ASB1: variants seen among roughly 807,000 people sequenced by gnomAD.
ASB1 encodes ankyrin repeat and SOCS box protein 1.
Under a neutral mutation model 27.7 loss-of-function variants are expected in ASB1, and 18 were observed. The observed-to-expected ratio is 0.65, with a 90% CI of 0.45 to 0.96. The LOEUF (loss-of-function observed/expected upper bound fraction) is 0.96. ASB1 is among the 50% of genes least tolerant of loss of function. The probability of loss-of-function intolerance (pLI) is 0.00; values close to 1 mark genes in which losing one functional copy is unlikely to be tolerated. For synonymous variants in ASB1, 189 were observed against 187.6 expected (o/e 1.01, Z -0.06); for missense variants, 397 against 451.7 (o/e 0.88, Z 1.10).
chr2:238,440,336 A>G lies in ASB1; in HGVS notation c.495-4006A>G, dbSNP rs557910489. On this transcript the variant is annotated intron_variant, in intron 3 of 4. Coordinates refer to ENST00000264607, the MANE Select transcript of ASB1 (RefSeq NM_001040445.3). ...GTATGTACATTCCACATTTCTGTTTATATTTCTTTATATACATGGACAGGA... is the reference window on the plus strand; with the variant it reads ...GTATGTACATTCCACATTTCTGTTTGTATTTCTTTATATACATGGACAGGA... Among the ~76,000 whole-genome samples the G allele has an allele frequency of 3.3e-5, 5 of 152,286 alleles. No homozygotes were observed. The South Asian group carries it at 6.2e-4, about 19-fold the overall frequency.
Position 238,447,602 on chromosome 2 carries a change from G to A in ASB1, c.*1091G>A, listed in dbSNP as rs1296130215. The A allele has an allele frequency of 2.0e-5, 3 of 152,266 alleles. No homozygotes were observed. Among genetic ancestry groups the A allele is most frequent in the African/African-American group, 7.2e-5 (3 of 41,468 alleles). The allele number at this position is 152,266 out of a possible 1,614,324, so 9.4% of individuals were successfully genotyped here. A position where few individuals can be genotyped will look rare whatever the true frequency, so the allele number is the denominator to read the frequency against. On this transcript the variant is annotated 3_prime_UTR_variant, in exon 5 of 5. Coordinates refer to ENST00000264607, the MANE Select transcript of ASB1 (RefSeq NM_001040445.3). Reference sequence around the variant, plus strand: ...AGCCAGGTGTGAGGGTCACCGGCAGGTGGGCTGGTGGCTGCAGCCTCAGAG... The same window carrying A: ...AGCCAGGTGTGAGGGTCACCGGCAGATGGGCTGGTGGCTGCAGCCTCAGAG...
At position 238,446,575 on chromosome 2, in the gene ASB1, G is replaced by A. The variant is rs775686557; in HGVS notation, c.*64G>A. On this transcript the variant is annotated 3_prime_UTR_variant, in exon 5 of 5. Coordinates refer to ENST00000264607, the MANE Select transcript of ASB1 (RefSeq NM_001040445.3). ...TGATCTGCAGGGAGGTGGACACCGA[G>A]CCCTGAGTGCTGTGCTGCTGCTGGT... 1 of 1,588,508 alleles carries A rather than the reference G, an allele frequency of 6.3e-7. No homozygotes were observed. Among genetic ancestry groups the A allele is most frequent in the South Asian group, 1.1e-5 (1 of 90,552 alleles).
In ASB1 at chr2:238,451,856, C is replaced by T. The variant is rs1193973487; in HGVS notation, c.*5345C>T. 6.6e-6 allele frequency: 1 copy of T among 152,210 alleles called. No individual in the cohort carries two copies. Among genetic ancestry groups the T allele is most frequent in the Non-Finnish European group, 1.5e-5 (1 of 67,948 alleles). The allele number at this position is 152,210 out of a possible 1,614,324, so 9.4% of individuals were successfully genotyped here. On this transcript the variant is annotated 3_prime_UTR_variant, in exon 5 of 5. Coordinates refer to ENST00000264607, the MANE Select transcript of ASB1 (RefSeq NM_001040445.3). ...GGGAGTTCTTTTTTCTTTCTTCTTT[C>T]TATGGAACGTTTCAAGTGATTGGAT...
intron 1 of ASB1, among the ~76,000 whole-genome samples, chr2:238,428,772 A>T (rs1701811640): frequency 6.6e-6 from 1 of 152,104 alleles, no homozygotes; most frequent in African/African-American, 2.4e-5. Context: ...TTGAATCTGG[A>T]GCTGGGGAAA....
chr2:238,443,489 A>G (rs1702117660), intron 3 of ASB1, among the ~76,000 whole-genome samples: 1 of 152,090 alleles, frequency 6.6e-6, no homozygotes, highest in Non-Finnish European at 1.5e-5. Context: ...TTCCAACTTT[A>G]TGCATTTAAT....
chr2:238,443,600 T>C (rs1702120099), intron 3 of ASB1, among the ~76,000 whole-genome samples: 1 of 152,206 alleles, frequency 6.6e-6, no homozygotes. Flanking sequence ...GCCGGAGTGC[T>C]TCTAGCCTTT....
chr2:238,438,350 C>T (rs1020983199), intron 3 of ASB1, among the ~76,000 whole-genome samples: 2 of 152,104 alleles, frequency 1.3e-5, no homozygotes, highest in African/African-American at 4.8e-5. Flanking sequence ...CAGGCACCCA[C>T]CACCATGCCC....
At position 238,446,465 on chromosome 2, in the gene ASB1, C is replaced by T. The variant is rs144205909; in HGVS notation, c.962C>T (p.Ser321Leu). Reference protein sequence around the residue: ...LGKHRLHLIPSLPLPDPIKKF... With the variant: ...LGKHRLHLIPLLPLPDPIKKF... ...AAACACCGGCTTCATCTGATTCCTT[C>T]GCTGCCTCTGCCAGACCCCATAAAG... Residue 321 changes from serine to leucine, a missense_variant, in exon 5 of 5, where the codon TCG becomes TTG. By Grantham distance (145) the Ser-to-Leu change is moderately radical (BLOSUM62 -2). Coordinates refer to ENST00000264607, the MANE Select transcript of ASB1 (RefSeq NM_001040445.3). The T allele has an allele frequency of 4.2e-5, 67 of 1,613,996 alleles. No individual in the cohort carries two copies. The highest frequency in any genetic ancestry group is 1.5e-4 in the African/African-American group (11 of 74,896).
At position 238,450,342 on chromosome 2, in the gene ASB1, T is replaced by C. The variant is rs953293107; in HGVS notation, c.*3831T>C. 1 of 152,248 alleles carries C rather than the reference T, an allele frequency of 6.6e-6. No homozygotes were observed. Among genetic ancestry groups the C allele is most frequent in the African/African-American group, 2.4e-5 (1 of 41,456 alleles). The allele number at this position is 152,248 out of a possible 1,614,324, so 9.4% of individuals were successfully genotyped here. ...AAAGGATTGTTCTTTATTCTGAAGT[T>C]ATTTTCTTCCTTATTTGGATGATAA... On this transcript the variant is annotated 3_prime_UTR_variant, in exon 5 of 5. Transcript: ENST00000264607.
At position 238,447,726 on chromosome 2, in the gene ASB1, T is replaced by C. The variant is rs1702207454; in HGVS notation, c.*1215T>C. On this transcript the variant is annotated 3_prime_UTR_variant, in exon 5 of 5. Coordinates refer to ENST00000264607, the MANE Select transcript of ASB1 (RefSeq NM_001040445.3). ...CCATGGTGATTCTAGACTTCAGATA[T>C]ATTTAGGAAGGCGCAGATTTCAAAT... The C allele has an allele frequency of 6.6e-6, 1 of 152,060 alleles. No homozygotes were observed. The highest frequency in any genetic ancestry group is 1.9e-4 in the East Asian group (1 of 5,164). The allele number at this position is 152,060 out of a possible 1,614,324, so 9.4% of individuals were successfully genotyped here. A position where few individuals can be genotyped will look rare whatever the true frequency, so the allele number is the denominator to read the frequency against.
chr2:238,450,343 A>G lies in ASB1; in HGVS notation c.*3832A>G, dbSNP rs1347722211. On this transcript the variant is annotated 3_prime_UTR_variant, in exon 5 of 5. Transcript: ENST00000264607. ...AAGGATTGTTCTTTATTCTGAAGTT[A>G]TTTTCTTCCTTATTTGGATGATAAA... The G allele has an allele frequency of 6.6e-6, 1 of 152,214 alleles. No homozygotes were observed. The highest frequency in any genetic ancestry group is 2.4e-5 in the African/African-American group (1 of 41,462). The allele number at this position is 152,214 out of a possible 1,614,324, so 9.4% of individuals were successfully genotyped here.
intron 3 of ASB1, among the ~76,000 whole-genome samples, chr2:238,437,796 T>A (rs945499691): frequency 4.6e-5 from 7 of 152,226 alleles, no homozygotes; most frequent in African/African-American, 7.2e-5. Context: ...AGCAGGGACC[T>A]GGGATTCCCT....
intron 1 of ASB1, among the ~76,000 whole-genome samples, chr2:238,430,686 A>G (rs918635090): frequency 2.0e-5 from 3 of 152,246 alleles, no homozygotes; most frequent in African/African-American, 7.2e-5. Context: ...ATAGCCTGAC[A>G]AAATGTATTA....
chr2:238,446,355 A>T, intron 4 of ASB1, 29 bp from the exon 5 acceptor site: 1 of 1,563,206 alleles, frequency 6.4e-7, no homozygotes, highest in East Asian at 2.2e-5. Flanking sequence ...ACCTTCCTCT[A>T]TCCCTCTCTT....
chr2:238,438,382 A>G (rs1290019394), intron 3 of ASB1, among the ~76,000 whole-genome samples: 1 of 151,366 alleles, frequency 6.6e-6, no homozygotes, highest in African/African-American at 2.4e-5. Flanking sequence ...TTGTATTTTT[A>G]GTTGAGACAG....
At chr2:238,431,213 G>T (rs1386698511) in intron 1 of ASB1, among the ~76,000 whole-genome samples, 1 of 152,236 alleles carries the variant, frequency 6.6e-6, no homozygotes, top group Non-Finnish European at 1.5e-5. Flanking sequence ...ACTTGCTGCA[G>T]CATCCACAGC....
At position 238,451,686 on chromosome 2, in the gene ASB1, A is replaced by G. The variant is rs986402563; in HGVS notation, c.*5175A>G. On this transcript the variant is annotated 3_prime_UTR_variant, in exon 5 of 5. Transcript: ENST00000264607. ...CTAGTTAAGAGCCTTCAAAAGCATA[A>G]TGAACACTTTTGATATGATATTGTA... 1 of 152,648 alleles carries G rather than the reference A, an allele frequency of 6.6e-6. No individual in the cohort carries two copies. The highest frequency in any genetic ancestry group is 2.4e-5 in the African/African-American group (1 of 41,450). The allele number at this position is 152,648 out of a possible 1,614,324, so 9.5% of individuals were successfully genotyped here.
At chr2:238,428,702 TG>T (rs1234974585) in intron 1 of ASB1, among the ~76,000 whole-genome samples, 2 of 152,198 alleles carry the variant, frequency 1.3e-5, no homozygotes, top group Admixed American at 1.3e-4. Flanking sequence ...AGTGCTATCC[TG>T]GGGCAGTTGT....
Position 238,435,761 on chromosome 2 carries a change from C to G in ASB1, c.242C>G (p.Pro81Arg). The change falls in exon 3 of 5, where the codon CCG (proline) becomes CGG (arginine). Residue 81 changes from proline to arginine, a missense_variant. By Grantham distance (103) the Pro-to-Arg change is moderately radical (BLOSUM62 -2). Coordinates refer to ENST00000264607, the MANE Select transcript of ASB1 (RefSeq NM_001040445.3). ...TGCTGTGGCTGGCTCCCCTGCACAC[C>G]GTTGCGAATCGCGGCCACTGCAGGC... is the stretch of plus-strand genomic sequence containing the variant. ...VWCCGWLPCT[P>R]LRIAATAGHG... is the part of the protein sequence containing the mutation. 2 of 1,614,080 alleles carry G rather than the reference C, an allele frequency of 1.2e-6. No homozygotes were observed. The highest frequency in any genetic ancestry group is 1.7e-6 in the Non-Finnish European group (2 of 1,180,010).
Sources: gnomAD v4.1 joint callset for allele counts (sites outside exome capture counted in the v4.1 genomes callset) on GRCh38, gnomAD v4.1.1 for gene constraint, MANE v1.5 for transcripts, NCBI Gene and HGNC (gene_info 2026-07-23, HGNC 2026-07-21) for gene names.